LINGO1: variants seen among roughly 807,000 people sequenced by gnomAD.
The protein encoded by LINGO1 is leucine-rich repeat and immunoglobulin-like domain-containing nogo receptor-interacting protein 1.
Under a neutral mutation model 37.3 loss-of-function variants are expected in LINGO1, and 11 were observed. The ratio of observed to expected loss-of-function variants is 0.29; its 90% confidence interval spans 0.19 to 0.49. The LOEUF is 0.49. LINGO1 is among the 20% of genes least tolerant of loss of function. The pLI, the probability that LINGO1 is intolerant of heterozygous loss-of-function variation, is 0.99. For missense variants in LINGO1, 585 were observed against 878.2 expected (o/e 0.67, Z 4.22); for synonymous variants, 387 against 403.0 (o/e 0.96, Z 0.48).
chr15:77,812,816 A>G lies in LINGO1; in HGVS notation c.-458+7442T>C, dbSNP rs1051034405. On this transcript the variant is annotated intron_variant, in intron 1 of 5. Coordinates refer to the LINGO1 transcript ENST00000562933. ...GCTAGTGACTGGGTGGCCCCGCCCC[A>G]TCCTGGCACAGCCATCAGGGACAGG... Among the ~76,000 whole-genome samples the G allele has an allele frequency of 3.9e-5, 6 of 152,344 alleles. No homozygotes were observed. The South Asian group carries it at 6.2e-4, about 16-fold the overall frequency.
chr15:77,649,927 C>T (rs767568092), intron 3 of LINGO1, among the ~76,000 whole-genome samples: 1 of 152,206 alleles, frequency 6.6e-6, no homozygotes, highest in African/African-American at 2.4e-5. Flanking sequence ...CAAAACAGAA[C>T]TAGAGAGCCA....
chr15:77,746,316 T>C (rs1167540792), intron 1 of LINGO1, among the ~76,000 whole-genome samples: 2 of 151,516 alleles, frequency 1.3e-5, no homozygotes, highest in African/African-American at 4.9e-5. Context: ...ACAACATGAG[T>C]ATAAGCATGG....
upstream of LINGO1, chr15:77,634,177 A>G (rs1158893041): frequency 2.2e-6 from 1 of 452,264 alleles, no homozygotes; most frequent in African/African-American, 2.0e-5. Flanking sequence ...ACATCATTGC[A>G]GAGATGCCTG....
intron 2 of LINGO1, among the ~76,000 whole-genome samples, chr15:77,713,754 G>A (rs56886206): frequency 0.024 from 3,637 of 152,190 alleles, 155 homozygotes; most frequent in African/African-American, 0.083. Context: ...AGGTATACGC[G>A]TCATCATGCC....
chr15:77,773,621 G>C (rs1468437118), intron 1 of LINGO1, among the ~76,000 whole-genome samples: 6 of 152,038 alleles, frequency 3.9e-5, no homozygotes, highest in African/African-American at 9.7e-5. Flanking sequence ...GGCACCTCTC[G>C]GCACAAGCGA....
At chr15:77,626,413 G>A (rs1366138470) in intron 1 of LINGO1, among the ~76,000 whole-genome samples, 1 of 152,172 alleles carries the variant, frequency 6.6e-6, no homozygotes, top group Non-Finnish European at 1.5e-5. Context: ...CCTAGCCCTG[G>A]CAGTTCAAAG....
chr15:77,693,948 G>A (rs1434373454), intron 1 of LINGO1, among the ~76,000 whole-genome samples: 1 of 152,190 alleles, frequency 6.6e-6, no homozygotes, highest in Admixed American at 6.5e-5. Flanking sequence ...GCATGTGTGT[G>A]TCCAGAGAGC....
At position 77,614,072 on chromosome 15, in the gene LINGO1, G is replaced by A. The variant is rs202223502; in HGVS notation, c.1835C>T (p.Pro612Leu). 269 of 1,605,864 alleles carry A rather than the reference G, an allele frequency of 1.7e-4. 1 individual carries two copies. Among genetic ancestry groups the A allele is most frequent in the Non-Finnish European group, 9.4e-6 (11 of 1,175,988 alleles). Reference protein sequence around the residue: ...SDAGISSADAPRKFNMKMI With the variant: ...SDAGISSADALRKFNMKMI ...TATCATCTTCATGTTGAACTTGCGG[G>A]GCGCGTCGGCGGAGCTGATGCCTGC... Residue 612 changes from proline (P) to leucine (L), a missense_variant, in exon 2 of 2, where the codon CCC becomes CTC. Transcript: ENST00000355300.
intron 2 of LINGO1, among the ~76,000 whole-genome samples, chr15:77,726,653 CAT>C (rs1300127607): frequency 6.6e-6 from 1 of 152,176 alleles, no homozygotes; most frequent in Non-Finnish European, 1.5e-5. Flanking sequence ...TAAAATAAAA[CAT>C]AGGGGAGAAG....
At chr15:77,618,203 A>T (rs1385001019) in intron 1 of LINGO1, among the ~76,000 whole-genome samples, 2 of 152,156 alleles carry the variant, frequency 1.3e-5, no homozygotes, top group African/African-American at 4.8e-5. Flanking sequence ...CTGGGGAATG[A>T]GGGGGGCTAG....
At chr15:77,648,658 C>T (rs2074690519) in intron 3 of LINGO1, 1 of 152,332 alleles carries the variant, frequency 6.6e-6, no homozygotes, top group Admixed American at 6.5e-5. Context: ...GGCCTGACCT[C>T]TCTGGGCCTC....
chr15:77,790,914 C>T (rs991157403), upstream of LINGO1, among the ~76,000 whole-genome samples: 6 of 152,156 alleles, frequency 3.9e-5, 1 homozygote, highest in Admixed American at 2.6e-4. Context: ...CAGAGGACCA[C>T]GATCTCAGGG....
At chr15:77,680,203 C>T (rs1449154723) in intron 2 of LINGO1, among the ~76,000 whole-genome samples, 1 of 152,182 alleles carries the variant, frequency 6.6e-6, no homozygotes, top group East Asian at 1.9e-4. Context: ...AGCCTAGGTC[C>T]CTGAGTTGTT....
chr15:77,703,389 T>G (rs941723234), intron 2 of LINGO1, among the ~76,000 whole-genome samples: 1 of 152,190 alleles, frequency 6.6e-6, no homozygotes, highest in Non-Finnish European at 1.5e-5. Context: ...TACGAGGGTT[T>G]TGAGCCAGGA....
At chr15:77,632,983 G>T (rs1453413227), upstream of LINGO1, among the ~76,000 whole-genome samples, 3 of 151,180 alleles carry the variant, frequency 2.0e-5, no homozygotes, top group East Asian at 2.0e-4. The surrounding 1 kb of genome is among the most constrained non-coding windows in gnomAD (Gnocchi z 6.0). Context: ...CCGGGCGGGG[G>T]AGGAGAAGGC....
At chr15:77,674,079 C>T (rs1012820564) in intron 3 of LINGO1, among the ~76,000 whole-genome samples, 7 of 152,188 alleles carry the variant, frequency 4.6e-5, no homozygotes, top group African/African-American at 9.6e-5. Flanking sequence ...TACACCAACC[C>T]GCTCCTCTCC....
chr15:77,702,037 C>T (rs2075790488), intron 2 of LINGO1, among the ~76,000 whole-genome samples: 1 of 152,048 alleles, frequency 6.6e-6, no homozygotes, highest in Admixed American at 6.6e-5. Flanking sequence ...TCAGGGAGGC[C>T]CAAGAGAACA....
rs1014789586 is a variant in LINGO1, at chr15:77,615,317, G to A, written c.590C>T (p.Thr197Met). Residue 197 changes from threonine (T) to methionine (M), a missense_variant, in exon 2 of 2, where the codon ACG becomes ATG. Physicochemically the swap from Thr to Met is moderately conservative, Grantham distance 81 (BLOSUM62 -1). Around this residue, in one of 4 missense-constraint regions of LINGO1, gnomAD observed 484 missense variants for 735.0 expected, o/e 0.66. Transcript: ENST00000355300. ...FSGLNSLEQL[T>M]LEKCNLTSIP... ...GGAGGTCAGGTTGCATTTCTCCAGC[G>A]TCAGCTGCTCCAGGCTGTTGAGGCC... The A allele has an allele frequency of 5.6e-6, 9 of 1,613,572 alleles. No homozygotes were observed. Among genetic ancestry groups the A allele is most frequent in the Admixed American group, 5.0e-5 (3 of 60,006 alleles).
intron 2 of LINGO1, among the ~76,000 whole-genome samples, chr15:77,725,672 G>GA (rs1427046451): frequency 6.6e-6 from 1 of 152,222 alleles, no homozygotes; most frequent in Admixed American, 6.5e-5. Context: ...ACAGGGTGGG[G>GA]AAAAGGCCTG....
Sources: allele counts gnomAD v4.1 joint callset (sites outside exome capture counted in the v4.1 genomes callset), GRCh38; gene constraint gnomAD v4.1.1; regional missense constraint gnomAD v4.1.1; non-coding constraint Gnocchi (gnomAD v3.1); transcripts MANE v1.5; gene names NCBI Gene and HGNC (gene_info 2026-07-23, HGNC 2026-07-21).